The following PSD3 variants were observed in gnomAD, a reference collection of about 807,000 sequenced individuals.
PSD3 encodes the protein PH and SEC7 domain-containing protein 3.
Under a neutral mutation model 105.5 loss-of-function variants are expected in PSD3, and 49 were observed. That is an observed-to-expected ratio of 0.46 (90% CI 0.37 to 0.59). The LOEUF is 0.59. Ranked by LOEUF, PSD3 falls within the 20% of genes least tolerant of loss-of-function variation. The probability of loss-of-function intolerance (pLI) is 0.00; values close to 1 mark genes in which losing one functional copy is unlikely to be tolerated. For synonymous variants in PSD3, 557 were observed against 457.8 expected (o/e 1.22, Z -2.77); for missense variants, 1,561 against 1,263.8 (o/e 1.24, Z -3.57).
At chr8:18,818,182 T>C (rs1389457101) in intron 4 of PSD3, among the ~76,000 whole-genome samples, 5 of 152,148 alleles carry the variant, frequency 3.3e-5, no homozygotes, top group African/African-American at 1.2e-4. Flanking sequence ...CTCAAACTCC[T>C]GACCTCTGGT....
intron 4 of PSD3, among the ~76,000 whole-genome samples, chr8:18,835,065 C>G (rs555601474): frequency 6.6e-6 from 1 of 152,260 alleles, no homozygotes; most frequent in African/African-American, 2.4e-5. Flanking sequence ...AGCACTTAGA[C>G]AAAGGACAGT....
chr8:18,641,630 T>G (rs1390670510), intron 10 of PSD3, among the ~76,000 whole-genome samples: 1 of 152,182 alleles, frequency 6.6e-6, no homozygotes, highest in Admixed American at 6.5e-5. Context: ...CAAACATTGG[T>G]GTAGCATAAA....
intron 4 of PSD3, among the ~76,000 whole-genome samples, chr8:18,853,767 T>A (rs1175671580): frequency 6.6e-6 from 1 of 152,128 alleles, no homozygotes; most frequent in Non-Finnish European, 1.5e-5. Flanking sequence ...ACAGCCTGGA[T>A]GAAGTTTCAC....
chr8:18,985,097 C>T (rs555926218), intron 1 of PSD3, among the ~76,000 whole-genome samples: 1 of 152,162 alleles, frequency 6.6e-6, no homozygotes, highest in Non-Finnish European at 1.5e-5. Flanking sequence ...CCACACCCGG[C>T]TAATTTTTAT....
intron 1 of PSD3, among the ~76,000 whole-genome samples, chr8:19,054,116 C>T (rs1054487439): frequency 1.4e-4 from 21 of 152,318 alleles, no homozygotes; most frequent in Admixed American, 1.1e-3. Context: ...ATGGGATCCT[C>T]TAGGGCCTTT....
intron 11 of PSD3, among the ~76,000 whole-genome samples, chr8:18,624,212 A>G (rs972768225): frequency 6.6e-6 from 1 of 152,168 alleles, no homozygotes; most frequent in Non-Finnish European, 1.5e-5. Context: ...AAATGATACC[A>G]CTAATACTTT....
At chr8:18,559,738 T>G (rs1303903507) in intron 14 of PSD3, among the ~76,000 whole-genome samples, 1 of 152,200 alleles carries the variant, frequency 6.6e-6, no homozygotes, top group Non-Finnish European at 1.5e-5. Context: ...TGTCTCTTTT[T>G]CTGTTGAACA....
chr8:18,838,752 C>T lies in PSD3; in HGVS notation c.1634+28922G>A, dbSNP rs1021004899. On this transcript the variant is annotated intron_variant, in intron 4 of 15. Transcript: ENST00000327040. ...GGGAGGCAGAGCTTGCAGTGAGCCG[C>T]GACAGCGCCACTGCACTCCAGCCTG... Among the ~76,000 whole-genome samples, 4 of 150,598 alleles carry T rather than the reference C, an allele frequency of 2.7e-5. No homozygotes were observed. The East Asian group carries it at 5.9e-4, about 22-fold the overall frequency.
At chr8:18,610,413 C>T (rs946993981) in intron 11 of PSD3, among the ~76,000 whole-genome samples, 1 of 152,290 alleles carries the variant, frequency 6.6e-6, no homozygotes, top group Admixed American at 6.5e-5. Context: ...TGAGCTGTAA[C>T]CAACCCAGTT....
chr8:18,683,733 C>A lies in PSD3; in HGVS notation c.2173-28048G>T, dbSNP rs556439614. The A allele has an allele frequency of 1.9e-4, 142 of 755,492 alleles. No homozygotes were observed. In the East Asian group the frequency reaches 3.4e-3, roughly 18 times the overall value. The allele number at this position is 755,492 out of a possible 1,614,324, so 46.8% of individuals were successfully genotyped here. ...AAGACTATCCAATTCTGTTGCCCTG[C>A]CACACAGCTGTCAATAAGGTTCAAT... On this transcript the variant is annotated intron_variant, in intron 9 of 15. Coordinates refer to ENST00000327040, the MANE Select transcript of PSD3 (RefSeq NM_015310.4).
chr8:19,081,568 G>C (rs371993162), intron 1 of PSD3, among the ~76,000 whole-genome samples: 1 of 152,170 alleles, frequency 6.6e-6, no homozygotes, highest in Admixed American at 6.5e-5. Flanking sequence ...GCAGAATTTC[G>C]AGATTTTCAT....
chr8:18,994,393 A>G (rs1825954763), intron 1 of PSD3, among the ~76,000 whole-genome samples: 1 of 152,114 alleles, frequency 6.6e-6, no homozygotes, highest in South Asian at 2.1e-4. Flanking sequence ...ATACTTAACT[A>G]ACCATATATG....
At chr8:18,636,356 T>C (rs1807256258) in intron 10 of PSD3, among the ~76,000 whole-genome samples, 1 of 152,224 alleles carries the variant, frequency 6.6e-6, no homozygotes, top group Non-Finnish European at 1.5e-5. Flanking sequence ...TATAATGTTT[T>C]TGTACAGCTG....
At chr8:19,017,466 A>G (rs536652043), upstream of PSD3, among the ~76,000 whole-genome samples, 2 of 152,220 alleles carry the variant, frequency 1.3e-5, no homozygotes, top group African/African-American at 2.4e-5. Context: ...TGTGTTTACT[A>G]TATTCACAGA....
chr8:18,649,461 C>T (rs1015449144), intron 10 of PSD3, among the ~76,000 whole-genome samples: 1 of 152,206 alleles, frequency 6.6e-6, no homozygotes, highest in African/African-American at 2.4e-5. Context: ...TAGCCAATGC[C>T]TGTACCCCCA....
chr8:18,819,225 T>C (rs1204903991), intron 4 of PSD3, among the ~76,000 whole-genome samples: 1 of 152,076 alleles, frequency 6.6e-6, no homozygotes, highest in Non-Finnish European at 1.5e-5. Flanking sequence ...TTCCAGAGGG[T>C]AGGTTTAGTC....
At chr8:19,016,813 A>G (rs1398815563), upstream of PSD3, among the ~76,000 whole-genome samples, 1 of 152,170 alleles carries the variant, frequency 6.6e-6, no homozygotes, top group East Asian at 1.9e-4. Context: ...AAGCAAGCAC[A>G]AGAGACGGGA....
intron 11 of PSD3, among the ~76,000 whole-genome samples, chr8:18,615,827 A>T (rs1805619029): frequency 6.6e-6 from 1 of 152,338 alleles, no homozygotes; most frequent in African/African-American, 2.4e-5. Context: ...GAAGCCAGGG[A>T]AGGACAGAGC....
chr8:18,947,658 C>T (rs973691391), intron 1 of PSD3, among the ~76,000 whole-genome samples: 1 of 152,204 alleles, frequency 6.6e-6, no homozygotes, highest in Non-Finnish European at 1.5e-5. Context: ...ATGCCTTTAA[C>T]AGGTTCAAAT....
Sources: allele counts gnomAD v4.1 joint callset (sites outside exome capture counted in the v4.1 genomes callset), GRCh38; gene constraint gnomAD v4.1.1; transcripts MANE v1.5; gene names NCBI Gene and HGNC (gene_info 2026-07-23, HGNC 2026-07-21).